The following PCDHA3 variants were observed in gnomAD, a reference collection of about 807,000 sequenced individuals.
PCDHA3 encodes protocadherin alpha 3.
PCDHA3 carries 41 observed loss-of-function variants against 62.2 expected under a neutral mutation model. That is an observed-to-expected ratio of 0.66 (90% confidence interval 0.51 to 0.86). The LOEUF (loss-of-function observed/expected upper bound fraction) is 0.86. PCDHA3 is among the 40% of genes least tolerant of loss of function. The pLI is 0.00. For missense variants in PCDHA3, 1,304 were observed against 1,241.2 expected, an observed-to-expected ratio of 1.05 and a Z score of -0.76; for synonymous variants, 640 against 555.4, an observed-to-expected ratio of 1.15 and a Z score of -2.14.
intron 1 of PCDHA3, chr5:140,929,452 T>C: frequency 1.5e-6 from 2 of 1,366,592 alleles, no homozygotes; most frequent in Non-Finnish European, 2.0e-6. Context: ...TTCTTAGCAC[T>C]TCCTGTGCCA....
At chr5:140,808,674 A>G in intron 1 of PCDHA3, 1 of 1,612,708 alleles carries the variant, frequency 6.2e-7, no homozygotes, top group South Asian at 1.1e-5. Flanking sequence ...TCGCTGGTAG[A>G]GCGGCGGGTA....
chr5:140,829,819 A>C (rs2150175411), intron 1 of PCDHA3: 2 of 1,613,876 alleles, frequency 1.2e-6, no homozygotes, highest in Admixed American at 3.3e-5. Flanking sequence ...CTGGTGGTGC[A>C]GTGAGCGAGC....
chr5:140,946,611 A>T (rs868983636), intron 1 of PCDHA3, among the ~76,000 whole-genome samples: 1 of 86,804 alleles, frequency 1.2e-5, no homozygotes, highest in Admixed American at 1.2e-4. Context: ...GAAAATGTGA[A>T]ATATATATAT....
chr5:140,887,357 A>T (rs112910602), intron 1 of PCDHA3, among the ~76,000 whole-genome samples: 12,309 of 152,126 alleles, frequency 0.081, 539 homozygotes, highest in Middle Eastern at 0.13. Context: ...CGGCCTCCCA[A>T]AGTGCTGGGA....
chr5:140,850,472 G>A (rs2150485623), intron 1 of PCDHA3: 1 of 1,598,076 alleles, frequency 6.3e-7, no homozygotes, highest in South Asian at 1.1e-5. Context: ...AGCCAGCGCT[G>A]ACGGCCACGG....
chr5:140,929,992 C>T (rs1015837723), intron 1 of PCDHA3: 7 of 152,300 alleles, frequency 4.6e-5, no homozygotes, highest in East Asian at 1.9e-4. Flanking sequence ...TTGGGAATGA[C>T]ACCCTAAAAC....
chr5:140,927,740 G>A (rs782665573), intron 1 of PCDHA3: 5 of 1,614,206 alleles, frequency 3.1e-6, no homozygotes, highest in Middle Eastern at 1.6e-4. Context: ...CTGCGACACC[G>A]CTTTCACGTG....
chr5:141,007,775 A>G (rs1156577699), intron 3 of PCDHA3, among the ~76,000 whole-genome samples: 2 of 152,216 alleles, frequency 1.3e-5, no homozygotes, highest in Non-Finnish European at 2.9e-5. Context: ...TGGAAATGGT[A>G]CTGCTTTACA....
chr5:140,883,972 C>T (rs781784485), intron 1 of PCDHA3: 2 of 1,612,972 alleles, frequency 1.2e-6, no homozygotes, highest in Non-Finnish European at 8.5e-7. Context: ...TGCTGACGCC[C>T]GGGGCTGGCA....
rs782133089 is a variant in PCDHA3, at chr5:140,924,894, C to CA, written c.2395-54044dup. Among the ~76,000 whole-genome samples, 369 of 71,492 alleles carry CA rather than the reference C, an allele frequency of 5.2e-3. 5 individuals carry two copies. The South Asian group carries it at 0.07, about 14-fold the overall frequency. 46.9% of individuals were successfully genotyped at this position (71,492 alleles called of 152,430 possible). ...TGGGTGACAGAGCAAGAACCTGTCT[C>CA]AAAAAAAAAAATAAAATAAAATAAA... is the stretch of plus-strand genomic sequence containing the variant. On this transcript the variant is annotated intron_variant, in intron 1 of 3. Coordinates refer to ENST00000522353, the MANE Select transcript of PCDHA3 (RefSeq NM_018906.3).
intron 1 of PCDHA3, chr5:140,967,990 G>C: frequency 6.2e-7 from 1 of 1,614,232 alleles, no homozygotes; most frequent in Non-Finnish European, 8.5e-7. Flanking sequence ...AGGCCACACT[G>C]CCTTTCCGAC....
chr5:140,998,565 A>G, intron 3 of PCDHA3, among the ~76,000 whole-genome samples: 1 of 113,790 alleles, frequency 8.8e-6, no homozygotes. Context: ...TTTATTGTAA[A>G]TAAGTTTTTT....
chr5:140,807,003 A>T, intron 1 of PCDHA3: 1 of 732,428 alleles, frequency 1.4e-6, no homozygotes, highest in Non-Finnish European at 2.2e-6. Context: ...GTCGCTCTTT[A>T]CCACAAAATA....
intron 1 of PCDHA3, chr5:140,870,851 C>A: frequency 6.2e-7 from 1 of 1,613,838 alleles, no homozygotes; most frequent in Non-Finnish European, 8.5e-7. Flanking sequence ...GTACCGCGGT[C>A]GGTGGGTGCG....
intron 1 of PCDHA3, chr5:140,877,318 G>A: frequency 6.2e-7 from 1 of 1,614,000 alleles, no homozygotes; most frequent in Non-Finnish European, 8.5e-7. Context: ...ACCGGCGGCG[G>A]TCGGCGCGCA....
intron 1 of PCDHA3, chr5:140,830,053 C>G (rs782097929): frequency 6.2e-7 from 1 of 1,613,734 alleles, no homozygotes; most frequent in Admixed American, 1.7e-5. Flanking sequence ...TGAAAGACCA[C>G]GGTGAGCCGG....
chr5:140,808,335 G>C (rs1554124486), intron 1 of PCDHA3: 1 of 1,614,236 alleles, frequency 6.2e-7, no homozygotes, highest in Non-Finnish European at 8.5e-7. Context: ...GGTGTCAATG[G>C]GCTGGTCACC....
intron 3 of PCDHA3, among the ~76,000 whole-genome samples, chr5:140,985,013 C>T (rs1022576947): frequency 8.6e-5 from 13 of 152,046 alleles, no homozygotes; most frequent in Non-Finnish European, 1.3e-4. Context: ...TATCGGCTCA[C>T]AGCAACCTCT....
At chr5:140,854,205 T>C (rs2043038740) in intron 1 of PCDHA3, 1 of 692,808 alleles carries the variant, frequency 1.4e-6, no homozygotes, top group East Asian at 1.3e-4. Flanking sequence ...CTACTTTTTA[T>C]TCAATATTGG....
Sources: gnomAD v4.1 joint callset for allele counts (sites outside exome capture counted in the v4.1 genomes callset) on GRCh38, gnomAD v4.1.1 for gene constraint, MANE v1.5 for transcripts, NCBI Gene and HGNC (gene_info 2026-07-23, HGNC 2026-07-21) for gene names.